The following SRPK2 variants were observed in gnomAD, a reference collection of about 807,000 sequenced individuals.
SRPK2 encodes SFRS protein kinase 2.
A neutral mutation model predicts 90.8 loss-of-function variants in SRPK2; 21 were observed. That is an observed-to-expected ratio of 0.23 (90% CI 0.16 to 0.33). SRPK2 has a LOEUF of 0.33. Among genes scored for constraint, SRPK2 ranks in the 10% least tolerant of loss-of-function variants. The probability of loss-of-function intolerance (pLI) is 1.00; values close to 1 mark genes in which losing one functional copy is unlikely to be tolerated. For synonymous variants in SRPK2, 288 were observed against 311.1 expected, an observed-to-expected ratio of 0.93 and a Z score of 0.78; for missense variants, 620 against 869.0, an observed-to-expected ratio of 0.71 and a Z score of 3.60.
intron 2 of SRPK2, among the ~76,000 whole-genome samples, chr7:105,271,008 A>G (rs1805760777): frequency 6.6e-6 from 1 of 152,124 alleles, no homozygotes; most frequent in South Asian, 2.1e-4. Flanking sequence ...ATCAACCTCA[A>G]CATCCCCATT....
intron 3 of SRPK2, among the ~76,000 whole-genome samples, chr7:105,173,705 C>T (rs1791446450): frequency 6.6e-6 from 1 of 152,180 alleles, no homozygotes. Context: ...AAGACTCAAA[C>T]TTTATTCAGT....
chr7:105,295,335 A>G (rs1809658938), intron 2 of SRPK2, among the ~76,000 whole-genome samples: 1 of 151,774 alleles, frequency 6.6e-6, no homozygotes, highest in Admixed American at 6.6e-5. Context: ...ATATAAATTT[A>G]CATATTATAT....
rs1554428677 is a variant in SRPK2, at chr7:105,159,466, A to AAC, written c.621+1040_621+1041insGT. Among the ~76,000 whole-genome samples, 3 of 114,314 alleles carry AAC rather than the reference A, an allele frequency of 2.6e-5. 1 individual carries two copies. The highest frequency in any genetic ancestry group is 5.5e-5 in the Non-Finnish European group (3 of 54,506). The allele number at this position is 114,314 out of a possible 152,430, so 75.0% of individuals were successfully genotyped here. Reference sequence around the variant, plus strand: ...CCGTCTCCAAAAAAAAAAAAAAAAAAAAAAAAACCGTACAAAAGGAAGAAG... The same window carrying AAC: ...CCGTCTCCAAAAAAAAAAAAAAAAAAACAAAAAAACCGTACAAAAGGAAGAAG... On this transcript the variant is annotated intron_variant, in intron 7 of 15. Coordinates refer to ENST00000393651, the MANE Select transcript of SRPK2 (RefSeq NM_182692.3).
intron 4 of SRPK2, among the ~76,000 whole-genome samples, chr7:105,168,745 A>ATGTGTGTGTGTGTGTATGTGTG (rs1790415844): frequency 9.6e-6 from 1 of 104,008 alleles, no homozygotes; most frequent in Non-Finnish European, 2.1e-5. Flanking sequence ...CACGCACCAA[A>ATGTGTGTGTGTGTGTATGTGTG]TGTGTGTGTG....
At chr7:105,322,599 C>T (rs1208617049) in intron 2 of SRPK2, among the ~76,000 whole-genome samples, 2 of 152,046 alleles carry the variant, frequency 1.3e-5, no homozygotes, top group Non-Finnish European at 2.9e-5. Flanking sequence ...GGAGCAGCTG[C>T]TTAATGGGTA....
chr7:105,334,960 G>T (rs1814910400), intron 2 of SRPK2, among the ~76,000 whole-genome samples: 2 of 150,558 alleles, frequency 1.3e-5, no homozygotes, highest in Middle Eastern at 6.8e-3. Context: ...CTTGAGGTCA[G>T]GAGTTCGATA....
At chr7:105,142,546 C>T (rs1803948422) in intron 10 of SRPK2, 56 bp from the exon 11 acceptor site, 2 of 1,531,934 alleles carry the variant, frequency 1.3e-6, no homozygotes, top group Admixed American at 4.2e-5. Context: ...AATACAGCCT[C>T]ATTAAGTACT....
Position 105,142,367 on chromosome 7 carries a change from T to C in SRPK2, c.1184A>G (p.Asn395Ser), listed in dbSNP as rs2129576696. The C allele has an allele frequency of 6.2e-7, 1 of 1,614,158 alleles. No homozygotes were observed. The highest frequency in any genetic ancestry group is 1.1e-5 in the South Asian group (1 of 91,076). ...DPTWIESPKT[N>S]GHIENGPFSL... ...GAATGGGCCATTCTCAATATGGCCA[T>C]TGGTTTTAGGTGATTCTATCCACGT... Residue 395 changes from asparagine to serine, a missense_variant, in exon 11 of 16, where the codon AAT (asparagine) becomes AGT (serine). By Grantham distance (46) the Asn-to-Ser change is conservative. Coordinates refer to ENST00000393651, the MANE Select transcript of SRPK2 (RefSeq NM_182692.3).
chr7:105,116,645 T>G lies in SRPK2; in HGVS notation c.*1193A>C, dbSNP rs543895370. Reference sequence around the variant, plus strand: ...ATTGTATTGCCTACTATGGTTTGTATCCTGGAGTCTACAATTAATTTTAAG... The same window carrying G: ...ATTGTATTGCCTACTATGGTTTGTAGCCTGGAGTCTACAATTAATTTTAAG... On this transcript the variant is annotated 3_prime_UTR_variant, in exon 16 of 16. Transcript: ENST00000393651. 25 of 152,776 alleles carry G rather than the reference T, an allele frequency of 1.6e-4. No homozygotes were observed. Among genetic ancestry groups the G allele is most frequent in the Non-Finnish European group, 2.9e-4 (20 of 68,024 alleles). The allele number at this position is 152,776 out of a possible 1,614,324, so 9.5% of individuals were successfully genotyped here.
chr7:105,163,376 G>C (rs1453079576), intron 6 of SRPK2, among the ~76,000 whole-genome samples: 2 of 152,184 alleles, frequency 1.3e-5, no homozygotes, highest in Non-Finnish European at 2.9e-5. Flanking sequence ...TTTATGGTAA[G>C]TTTAAGGGGA....
At chr7:105,219,241 T>A (rs1166258743) in intron 2 of SRPK2, among the ~76,000 whole-genome samples, 1 of 152,092 alleles carries the variant, frequency 6.6e-6, no homozygotes, top group African/African-American at 2.4e-5. Flanking sequence ...GGCACAAGGA[T>A]ATATAGTACT....
chr7:105,244,645 A>G (rs1394093939), intron 2 of SRPK2: 4 of 803,656 alleles, frequency 5.0e-6, no homozygotes, highest in Non-Finnish European at 8.3e-6. Context: ...TTTGGAGAGC[A>G]GCAGCCCTGG....
intron 2 of SRPK2, among the ~76,000 whole-genome samples, chr7:105,351,257 C>G (rs967474015): frequency 2.0e-5 from 3 of 152,086 alleles, no homozygotes; most frequent in African/African-American, 7.2e-5. Context: ...TCCCCACCAG[C>G]AAGAAGGTCC....
chr7:105,338,589 G>A (rs1266150554), intron 2 of SRPK2, among the ~76,000 whole-genome samples: 1 of 152,136 alleles, frequency 6.6e-6, no homozygotes, highest in Non-Finnish European at 1.5e-5. Flanking sequence ...TCCAACCTAA[G>A]GGTCTCAAGC....
At chr7:105,190,860 C>A (rs888867771) in intron 3 of SRPK2, among the ~76,000 whole-genome samples, 35 of 152,238 alleles carry the variant, frequency 2.3e-4, no homozygotes, top group Admixed American at 8.5e-4. Context: ...TCAACATCTT[C>A]CCCAATCCAA....
chr7:105,397,570 C>T (rs1380678194), intron 1 of SRPK2, among the ~76,000 whole-genome samples: 2 of 152,082 alleles, frequency 1.3e-5, no homozygotes, highest in African/African-American at 2.4e-5. Context: ...CCTTGTTATC[C>T]ACCTGCCTCA....
intron 2 of SRPK2, among the ~76,000 whole-genome samples, chr7:105,382,949 A>G (rs939384535): frequency 1.3e-5 from 2 of 151,482 alleles, no homozygotes; most frequent in Non-Finnish European, 2.9e-5. Flanking sequence ...ACAATGTTCT[A>G]TGGTTAAGAT....
intron 3 of SRPK2, among the ~76,000 whole-genome samples, chr7:105,178,158 T>C (rs563318086): frequency 8.1e-4 from 123 of 152,188 alleles, no homozygotes; most frequent in Admixed American, 4.7e-3. Flanking sequence ...AACACTACTT[T>C]CCTCATCAGT....
intron 2 of SRPK2, among the ~76,000 whole-genome samples, chr7:105,314,049 G>C (rs557987247): frequency 1.3e-5 from 2 of 152,232 alleles, no homozygotes; most frequent in Admixed American, 6.5e-5. Context: ...ATGAACATAT[G>C]AACTGGCAAA....
Sources: allele counts gnomAD v4.1 joint callset (sites outside exome capture counted in the v4.1 genomes callset), GRCh38; gene constraint gnomAD v4.1.1; transcripts MANE v1.5; gene names NCBI Gene and HGNC (gene_info 2026-07-23, HGNC 2026-07-21).